GPC6: variants seen among roughly 807,000 people sequenced by gnomAD.
GPC6 encodes the protein glypican 6.
GPC6 carries 14 observed loss-of-function variants against 55.2 expected under a neutral mutation model. The observed-to-expected ratio is 0.25, with a 90% CI of 0.17 to 0.40. GPC6 has a LOEUF of 0.40. GPC6 is among the 10% of genes least tolerant of loss of function. The pLI, the probability that GPC6 is intolerant of heterozygous loss-of-function variation, is 1.00. For synonymous variants in GPC6, 278 were observed against 259.6 expected, an observed-to-expected ratio of 1.07 and a Z score of -0.68; for missense variants, 641 against 708.5, an observed-to-expected ratio of 0.90 and a Z score of 1.08.
At chr13:93,419,851 T>G (rs1876860180) in intron 1 of GPC6, among the ~76,000 whole-genome samples, 1 of 152,114 alleles carries the variant, frequency 6.6e-6, no homozygotes, top group African/African-American at 2.4e-5. Context: ...TAAATATAAA[T>G]ACAAGCAGAA....
At chr13:93,386,017 C>T (rs529885175) in intron 1 of GPC6, among the ~76,000 whole-genome samples, 133 of 149,582 alleles carry the variant, frequency 8.9e-4, no homozygotes, top group African/African-American at 3.1e-3. Flanking sequence ...AGATCCATTA[C>T]TGCTGTTCCT....
At chr13:93,351,952 A>G (rs80209851) in intron 1 of GPC6, among the ~76,000 whole-genome samples, 1,701 of 152,276 alleles carry the variant, frequency 0.011, 34 homozygotes, top group African/African-American at 0.038. Flanking sequence ...AAAAAATTCA[A>G]GTTTTTGGTC....
intron 1 of GPC6, among the ~76,000 whole-genome samples, chr13:93,524,760 G>A (rs1326684769): frequency 6.6e-6 from 1 of 152,034 alleles, no homozygotes; most frequent in Non-Finnish European, 1.5e-5. Context: ...AAATGTAGTT[G>A]GGCTGATGCT....
In GPC6 at chr13:94,114,194, C is replaced by T. The variant is rs551595183; in HGVS notation, c.877+86300C>T. Among the ~76,000 whole-genome samples the T allele has an allele frequency of 1.1e-4, 17 of 148,598 alleles. No individual in the cohort carries two copies. In the South Asian group the frequency reaches 3.6e-3, roughly 32 times the overall value. On this transcript the variant is annotated intron_variant, in intron 4 of 8. Transcript: ENST00000377047. ...TTCTAAGAAAGGTAAAGTGACCAGC[C>T]AAATGGCACACACCTAAATTTTGGT...
At chr13:94,294,890 T>G (rs944069881) in intron 5 of GPC6, among the ~76,000 whole-genome samples, 11 of 152,180 alleles carry the variant, frequency 7.2e-5, no homozygotes, top group African/African-American at 2.7e-4. Flanking sequence ...CTGCCCAGGA[T>G]TATAAATTAT....
intron 4 of GPC6, among the ~76,000 whole-genome samples, chr13:94,180,540 A>G (rs890022056): frequency 4.6e-5 from 7 of 152,210 alleles, no homozygotes; most frequent in Admixed American, 3.9e-4. Context: ...TTGCATTAAA[A>G]TGTAAGATGT....
intron 2 of GPC6, among the ~76,000 whole-genome samples, chr13:93,774,886 G>A (rs1021481271): frequency 1.3e-5 from 2 of 152,094 alleles, no homozygotes; most frequent in Non-Finnish European, 2.9e-5. Flanking sequence ...CATGAGGAGT[G>A]GGGCTTCAGG....
chr13:93,268,957 G>A (rs1177123215), intron 1 of GPC6, among the ~76,000 whole-genome samples: 2 of 152,064 alleles, frequency 1.3e-5, no homozygotes. Context: ...CTTTGCCAAG[G>A]TCAGAACCTC....
intron 1 of GPC6, among the ~76,000 whole-genome samples, chr13:93,242,698 C>T (rs1351797846): frequency 1.3e-5 from 2 of 152,150 alleles, no homozygotes; most frequent in Non-Finnish European, 2.9e-5. Context: ...TGCAGCTGCT[C>T]CTAGCCCACA....
At chr13:94,249,554 TC>T (rs1476991011) in intron 4 of GPC6, among the ~76,000 whole-genome samples, 1 of 152,108 alleles carries the variant, frequency 6.6e-6, no homozygotes, top group Non-Finnish European at 1.5e-5. Context: ...CATCTAACCA[TC>T]ACAAAACCCC....
intron 5 of GPC6, among the ~76,000 whole-genome samples, chr13:94,291,035 T>G (rs9524407): frequency 0.065 from 9,862 of 152,016 alleles, 636 homozygotes; most frequent in African/African-American, 0.16. Context: ...CTACTAAAAC[T>G]ACAAAAATTA....
intron 4 of GPC6, among the ~76,000 whole-genome samples, chr13:94,177,563 A>G (rs1007848094): frequency 3.3e-5 from 5 of 152,172 alleles, no homozygotes; most frequent in Admixed American, 3.3e-4. Context: ...AGATATATCA[A>G]TTGTCACCAA....
At chr13:93,337,930 C>T (rs1023120920) in intron 1 of GPC6, among the ~76,000 whole-genome samples, 13 of 152,188 alleles carry the variant, frequency 8.5e-5, no homozygotes, top group African/African-American at 3.1e-4. Context: ...CAGCCCGCAA[C>T]CTCAGATGGA....
intron 4 of GPC6, among the ~76,000 whole-genome samples, chr13:94,256,262 G>A (rs1891501865): frequency 6.6e-6 from 1 of 152,134 alleles, no homozygotes; most frequent in Admixed American, 6.5e-5. Context: ...ACAGGGCAGG[G>A]GAGTTCAAGT....
chr13:93,744,386 G>A (rs1034832930), intron 2 of GPC6, among the ~76,000 whole-genome samples: 32 of 151,880 alleles, frequency 2.1e-4, no homozygotes, highest in Non-Finnish European at 3.8e-4. Flanking sequence ...CTCCATCCCC[G>A]TGCATTCCAC....
intron 6 of GPC6, among the ~76,000 whole-genome samples, chr13:94,340,293 G>A (rs1418047048): frequency 6.6e-6 from 1 of 151,904 alleles, no homozygotes; most frequent in East Asian, 1.9e-4. Flanking sequence ...TGTGGATGTT[G>A]CTTGTTACCT....
intron 2 of GPC6, among the ~76,000 whole-genome samples, chr13:93,821,560 T>C (rs1312909387): frequency 6.6e-6 from 1 of 152,184 alleles, no homozygotes; most frequent in African/African-American, 2.4e-5. Context: ...ATTTAGGACA[T>C]TGGGATTTTT....
At chr13:93,934,539 T>A (rs964741921) in intron 3 of GPC6, among the ~76,000 whole-genome samples, 1 of 152,198 alleles carries the variant, frequency 6.6e-6, no homozygotes, top group African/African-American at 2.4e-5. Context: ...CCACCACCTC[T>A]ACCTAGTCTG....
In GPC6 at chr13:93,493,475, T is replaced by C. The variant is rs564577766; in HGVS notation, c.161-51788T>C. The stretch of plus-strand genomic sequence containing the variant: ...TTGTTGATCCTTTCAAAAAACCAGC[T>C]CCTGGATTCCTTGATTTTTTGATGG... On this transcript the variant is annotated intron_variant, in intron 1 of 8. Coordinates refer to ENST00000377047, the MANE Select transcript of GPC6 (RefSeq NM_005708.5). Among the ~76,000 whole-genome samples, 7 of 110,776 alleles carry C rather than the reference T, an allele frequency of 6.3e-5. 1 individual carries two copies. The highest frequency in any genetic ancestry group is 2.3e-4 in the African/African-American group (7 of 29,920). 72.7% of individuals were successfully genotyped at this position (110,776 alleles called of 152,430 possible). A position where few individuals can be genotyped will look rare whatever the true frequency, so the allele number is the denominator to read the frequency against.
Sources: allele counts gnomAD v4.1 joint callset (sites outside exome capture counted in the v4.1 genomes callset), GRCh38; gene constraint gnomAD v4.1.1; transcripts MANE v1.5; gene names NCBI Gene and HGNC (gene_info 2026-07-23, HGNC 2026-07-21).